DYSF: variants seen among roughly 807,000 people sequenced by gnomAD.
The protein encoded by DYSF is dysferlin.
In DYSF, 212 loss-of-function variants were observed where a neutral mutation model predicts 274.9. The ratio of observed to expected loss-of-function variants is 0.77; its 90% CI spans 0.69 to 0.86. DYSF has a LOEUF of 0.86. DYSF is among the 40% of genes least tolerant of loss of function. The pLI, the probability that DYSF is intolerant of heterozygous loss-of-function variation, is 0.00. For missense variants in DYSF, 2,666 were observed against 2,783.2 expected (o/e 0.96, Z 0.95); for synonymous variants, 1,091 against 1,078.7 (o/e 1.01, Z -0.22).
chr2:71,460,938 GAAA>G (rs61178408), intron 1 of DYSF, among the ~76,000 whole-genome samples: 32 of 126,224 alleles, frequency 2.5e-4, no homozygotes, highest in Non-Finnish European at 2.8e-4. Context: ...TGATAGACAG[GAAA>G]AAAAAAAAAA....
chr2:71,501,969 C>CTATGCTGT (rs2085016762), intron 3 of DYSF, among the ~76,000 whole-genome samples: 1 of 152,102 alleles, frequency 6.6e-6, no homozygotes, highest in South Asian at 2.1e-4. Context: ...TGAGTAACTG[C>CTATGCTGT]TATGCTGTTT....
chr2:71,620,426 G>A (rs1173376725), intron 40 of DYSF, 121 bp from the exon 41 acceptor site: 6 of 1,055,286 alleles, frequency 5.7e-6, no homozygotes, highest in Non-Finnish European at 7.2e-6. Flanking sequence ...CAAAGCACAT[G>A]TTCTCCCTGG....
intron 53 of DYSF, among the ~76,000 whole-genome samples, chr2:71,679,907 C>T (rs2095275047): frequency 6.6e-6 from 1 of 152,150 alleles, no homozygotes; most frequent in South Asian, 2.1e-4. Context: ...AAGGTTTAGT[C>T]TCTCCAGTAA....
intron 6 of DYSF, 147 bp from the exon 7 acceptor site, chr2:71,513,569 T>A: frequency 1.1e-6 from 1 of 896,086 alleles, no homozygotes; most frequent in East Asian, 2.7e-5. Flanking sequence ...CCTGGCTCAC[T>A]GATGGGGAGG....
chr2:71,597,526 C>T lies in DYSF; in HGVS notation c.3575-1038C>T, dbSNP rs980439051. Reference sequence around the variant, plus strand: ...GAAATGCACATTCTCCAGCCCACCCCGGCCCTGCTGAATCCGAGTCTCTGG... The same window carrying T: ...GAAATGCACATTCTCCAGCCCACCCTGGCCCTGCTGAATCCGAGTCTCTGG... On this transcript the variant is annotated intron_variant, in intron 32 of 55. Transcript: ENST00000410020. Among the ~76,000 whole-genome samples the T allele has an allele frequency of 4.6e-5, 7 of 152,310 alleles. No homozygotes were observed. The East Asian group carries it at 9.6e-4, about 21-fold the overall frequency.
chr2:71,536,343 A>G (rs1162239688), intron 16 of DYSF, among the ~76,000 whole-genome samples: 9 of 152,242 alleles, frequency 5.9e-5, no homozygotes, highest in Non-Finnish European at 2.9e-5. Context: ...CCCCAGGCCT[A>G]AAGAAAACAG....
intron 40 of DYSF, among the ~76,000 whole-genome samples, chr2:71,617,077 G>C (rs2093901706): frequency 6.6e-6 from 1 of 152,126 alleles, no homozygotes; most frequent in African/African-American, 2.4e-5. Context: ...TCGCACCTTT[G>C]AGGCACTGAG....
At chr2:71,514,914 C>A (rs2086495728) in intron 7 of DYSF, among the ~76,000 whole-genome samples, 2 of 151,660 alleles carry the variant, frequency 1.3e-5, no homozygotes, top group Non-Finnish European at 2.9e-5. Flanking sequence ...GATTAAAAAT[C>A]ACTCATCCAT....
At chr2:71,656,949 C>T (rs1312930156) in intron 43 of DYSF, among the ~76,000 whole-genome samples, 2 of 152,160 alleles carry the variant, frequency 1.3e-5, no homozygotes, top group Non-Finnish European at 2.9e-5. Context: ...CATGTTCTCA[C>T]ATTTCAAAAC....
chr2:71,496,857 C>T (rs2084454045), intron 3 of DYSF, among the ~76,000 whole-genome samples: 2 of 152,186 alleles, frequency 1.3e-5, no homozygotes, highest in Non-Finnish European at 2.9e-5. Context: ...AGACTGGGCT[C>T]CCCTTCCCAC....
chr2:71,562,967 GCTGTCA>G (rs1266005658), intron 23 of DYSF, among the ~76,000 whole-genome samples: 2 of 152,172 alleles, frequency 1.3e-5, no homozygotes, highest in Non-Finnish European at 2.9e-5. Flanking sequence ...GTCGAACAGT[GCTGTCA>G]CTGTAAGGGC....
intron 1 of DYSF, among the ~76,000 whole-genome samples, chr2:71,478,070 G>C (rs1434415949): frequency 1.4e-5 from 2 of 145,352 alleles, no homozygotes; most frequent in Admixed American, 6.8e-5. Context: ...CTATATATGT[G>C]TCACTTATGT....
Position 71,667,318 on chromosome 2 carries a change from C to T in DYSF, c.5318-58C>T, listed in dbSNP as rs906557668. On this transcript the variant is annotated intron_variant, in intron 47 of 55. Coordinates refer to ENST00000410020, the MANE Select transcript of DYSF (RefSeq NM_001130987.2). ...CCTGCTCAGCCTGTTCACTGGGCAG[C>T]CCCATTATCTCTCGCTTCCCCAGCT... 38 of 1,612,146 alleles carry T rather than the reference C, an allele frequency of 2.4e-5. 1 individual carries two copies. Among genetic ancestry groups the T allele is most frequent in the Non-Finnish European group, 2.7e-5 (32 of 1,179,704 alleles).
At chr2:71,480,287 A>G (rs2082775584) in intron 1 of DYSF, among the ~76,000 whole-genome samples, 1 of 152,184 alleles carries the variant, frequency 6.6e-6, no homozygotes, top group Admixed American at 6.5e-5. Context: ...TAATCCCAGC[A>G]CTTTGGGAGG....
In DYSF at chr2:71,571,460, A is replaced by C. The variant is rs868467750; in HGVS notation, c.3228+719A>C. On this transcript the variant is annotated intron_variant, in intron 29 of 55. Coordinates refer to ENST00000410020, the MANE Select transcript of DYSF (RefSeq NM_001130987.2). ...CAGATCACACCCAGCACACACACAGATCACACCCAGCACACACACATCACA... is the reference window on the plus strand; with the variant it reads ...CAGATCACACCCAGCACACACACAGCTCACACCCAGCACACACACATCACA... Among the ~76,000 whole-genome samples, 625 of 69,132 alleles carry C rather than the reference A, an allele frequency of 9.0e-3. 1 individual carries two copies. The highest frequency in any genetic ancestry group is 0.024 in the African/African-American group (453 of 19,098). The allele number at this position is 69,132 out of a possible 152,430, so 45.4% of individuals were successfully genotyped here.
In DYSF at chr2:71,574,118, G is replaced by A. The variant is rs941252128; in HGVS notation, c.3229-80G>A. The A allele has an allele frequency of 3.9e-6, 6 of 1,557,666 alleles. No homozygotes were observed. In the African/African-American group the frequency reaches 8.1e-5, roughly 21 times the overall value. On this transcript the variant is annotated intron_variant, in intron 29 of 55. Transcript: ENST00000410020. ...TGGTGGGGAGTTGTCATGGAAGACA[G>A]GAAGGCAAAGGTGGAGCCGAGCACA... is the stretch of plus-strand genomic sequence containing the variant.
intron 13 of DYSF, among the ~76,000 whole-genome samples, chr2:71,527,639 G>A (rs372154733): frequency 1.1e-4 from 17 of 152,054 alleles, no homozygotes; most frequent in African/African-American, 3.9e-4. Context: ...TTTGCTAATT[G>A]TTGTTGCCTT....
intron 17 of DYSF, among the ~76,000 whole-genome samples, chr2:71,544,134 T>C (rs1222067359): frequency 6.6e-6 from 1 of 152,254 alleles, no homozygotes; most frequent in Non-Finnish European, 1.5e-5. Flanking sequence ...TTTTCTGTAA[T>C]ATGCAGGTGA....
intron 1 of DYSF, among the ~76,000 whole-genome samples, chr2:71,472,175 G>T (rs1482118633): frequency 6.6e-6 from 1 of 152,104 alleles, no homozygotes; most frequent in South Asian, 2.1e-4. Context: ...TCACTGTGAG[G>T]CATATTCTGG....
Sources: gnomAD v4.1 joint callset for allele counts (sites outside exome capture counted in the v4.1 genomes callset) on GRCh38, gnomAD v4.1.1 for gene constraint, MANE v1.5 for transcripts, NCBI Gene and HGNC (gene_info 2026-07-23, HGNC 2026-07-21) for gene names.